The following RIT2 variants were observed in gnomAD, a reference collection of about 807,000 sequenced individuals.
RIT2 encodes GTP-binding protein Rit2.
A neutral mutation model predicts 23.7 loss-of-function variants in RIT2; 24 were observed. The ratio of observed to expected loss-of-function variants is 1.01; its 90% CI spans 0.73 to 1.43. RIT2 has a LOEUF of 1.43. Among genes scored for constraint, RIT2 ranks in the 40% most tolerant of loss-of-function variants. The pLI is 0.00. For synonymous variants in RIT2, 107 were observed against 91.1 expected (o/e 1.17, Z -0.99); for missense variants, 236 against 266.9 (o/e 0.88, Z 0.81).
intron 3 of RIT2, among the ~76,000 whole-genome samples, chr18:42,966,042 C>T (rs1910216529): frequency 6.6e-6 from 1 of 152,042 alleles, no homozygotes; most frequent in Non-Finnish European, 1.5e-5. Flanking sequence ...CTCTTCTGAG[C>T]CCCAGTGTCT....
At chr18:43,105,100 C>CTGTGTGTGTGTGTG (rs756311809) in intron 1 of RIT2, among the ~76,000 whole-genome samples, 103 of 143,056 alleles carry the variant, frequency 7.2e-4, no homozygotes, top group African/African-American at 2.6e-3. Flanking sequence ...AGGCAGTGTG[C>CTGTGTGTGTGTGTG]TGTGTGTGTG....
rs138603656 is a variant in RIT2 at position 42,933,155 on chromosome 18, T to G, written c.235-9392A>C. On this transcript the variant is annotated intron_variant, in intron 3 of 4. Coordinates refer to ENST00000326695, the MANE Select transcript of RIT2 (RefSeq NM_002930.4). ...ATAAATGCCATTTAGAAAAATACTT[T>G]GATGTGCTAACTCTATGATAATGTA... Among the ~76,000 whole-genome samples the G allele has an allele frequency of 8.2e-3, 1,256 of 152,262 alleles. 17 individuals carry two copies. The highest frequency in any genetic ancestry group is 0.029 in the African/African-American group (1,200 of 41,550).
chr18:42,838,222 T>A (rs370289209), intron 4 of RIT2, among the ~76,000 whole-genome samples: 1 of 152,178 alleles, frequency 6.6e-6, no homozygotes, highest in African/African-American at 2.4e-5. Flanking sequence ...TTTCTTTATA[T>A]AACTGCATAG....
At chr18:42,973,957 C>G (rs1373393640) in intron 3 of RIT2, 117 bp downstream of exon 3, 3 of 619,004 alleles carry the variant, frequency 4.8e-6, no homozygotes, top group Non-Finnish European at 8.4e-6. Flanking sequence ...TGATTGTTAT[C>G]ACAAATTTGT....
At chr18:43,101,146 C>T (rs951143256) in intron 1 of RIT2, among the ~76,000 whole-genome samples, 3 of 151,774 alleles carry the variant, frequency 2.0e-5, no homozygotes, top group Non-Finnish European at 4.4e-5. Flanking sequence ...AGGAATAATG[C>T]CATTGTAAAC....
chr18:43,038,702 T>G (rs576501180), intron 1 of RIT2, among the ~76,000 whole-genome samples: 1 of 152,326 alleles, frequency 6.6e-6, no homozygotes, highest in East Asian at 1.9e-4. Context: ...TTAAGCTTCT[T>G]GTAGTACATG....
chr18:42,988,102 A>G (rs1253803545), intron 2 of RIT2, among the ~76,000 whole-genome samples: 1 of 152,190 alleles, frequency 6.6e-6, no homozygotes, highest in Non-Finnish European at 1.5e-5. Context: ...GTGTACTCAT[A>G]GAGTAGATTA....
At chr18:42,754,025 G>T (rs1359411495) in intron 4 of RIT2, among the ~76,000 whole-genome samples, 1 of 152,160 alleles carries the variant, frequency 6.6e-6, no homozygotes, top group Admixed American at 6.5e-5. Flanking sequence ...ATCAGAGTGT[G>T]CTTATAGGGT....
At chr18:43,043,067 A>G (rs560560172) in intron 1 of RIT2, among the ~76,000 whole-genome samples, 10 of 152,206 alleles carry the variant, frequency 6.6e-5, no homozygotes, top group African/African-American at 2.2e-4. Flanking sequence ...AAGAAATTAT[A>G]GGATTTTTAT....
At chr18:42,801,059 A>C (rs1905527620) in intron 4 of RIT2, among the ~76,000 whole-genome samples, 1 of 152,198 alleles carries the variant, frequency 6.6e-6, no homozygotes. Flanking sequence ...AAAAGCAAAC[A>C]GCCTCATGTG....
At chr18:42,746,109 G>T (rs981833758) in intron 4 of RIT2, among the ~76,000 whole-genome samples, 9 of 152,062 alleles carry the variant, frequency 5.9e-5, no homozygotes, top group African/African-American at 2.2e-4. Context: ...GGCTAAGAGA[G>T]CCCTTCTTAT....
chr18:43,014,782 T>C (rs1404781655), intron 2 of RIT2, among the ~76,000 whole-genome samples: 2 of 151,698 alleles, frequency 1.3e-5, no homozygotes, highest in East Asian at 3.9e-4. Context: ...CATGAATAAG[T>C]TAATCTATTG....
intron 1 of RIT2, among the ~76,000 whole-genome samples, chr18:43,112,672 G>A (rs768692860): frequency 3.3e-5 from 5 of 152,178 alleles, no homozygotes; most frequent in African/African-American, 4.8e-5. Flanking sequence ...GGGGGGCTGA[G>A]GCAGGAGCAT....
At chr18:43,002,583 T>C (rs996167504) in intron 2 of RIT2, among the ~76,000 whole-genome samples, 2 of 151,950 alleles carry the variant, frequency 1.3e-5, no homozygotes, top group Non-Finnish European at 2.9e-5. Context: ...GGCTGCATGA[T>C]GCACTAGTCC....
intron 1 of RIT2, among the ~76,000 whole-genome samples, chr18:43,080,576 C>A (rs1913134045): frequency 6.6e-6 from 1 of 152,112 alleles, no homozygotes; most frequent in African/African-American, 2.4e-5. Flanking sequence ...TTATGTGCTA[C>A]TTTGTTTTTT....
chr18:42,982,858 T>A (rs1322844688), intron 2 of RIT2, among the ~76,000 whole-genome samples: 1 of 152,112 alleles, frequency 6.6e-6, no homozygotes, highest in Non-Finnish European at 1.5e-5. Context: ...ATAAATATTA[T>A]TTTTATAGAT....
chr18:42,883,546 T>C (rs546053188), intron 4 of RIT2, among the ~76,000 whole-genome samples: 1 of 152,258 alleles, frequency 6.6e-6, no homozygotes, highest in Non-Finnish European at 1.5e-5. Flanking sequence ...CAGATTTCCT[T>C]TTGCTTCGTC....
chr18:42,970,967 C>G (rs947132079), intron 3 of RIT2, among the ~76,000 whole-genome samples: 21 of 151,868 alleles, frequency 1.4e-4, no homozygotes, highest in Non-Finnish European at 1.8e-4. Flanking sequence ...CACTTGGTCT[C>G]TTTTACAAGC....
chr18:42,807,330 T>C (rs961623918), intron 4 of RIT2, among the ~76,000 whole-genome samples: 1 of 152,304 alleles, frequency 6.6e-6, no homozygotes, highest in South Asian at 2.1e-4. Context: ...TTTTAAAATA[T>C]AGTAGGCTGG....
Sources: allele counts gnomAD v4.1 joint callset (sites outside exome capture counted in the v4.1 genomes callset), GRCh38; gene constraint gnomAD v4.1.1; transcripts MANE v1.5; gene names NCBI Gene and HGNC (gene_info 2026-07-23, HGNC 2026-07-21).